USP24: variants seen among roughly 807,000 people sequenced by gnomAD.
USP24 encodes the protein ubiquitin carboxyl-terminal hydrolase 24.
In USP24, 97 loss-of-function variants were observed where a neutral mutation model predicts 361.6. That is an observed-to-expected ratio of 0.27 (90% CI 0.23 to 0.32). The LOEUF (loss-of-function observed/expected upper bound fraction) is 0.32. Ranked by LOEUF, USP24 falls within the 10% of genes least tolerant of loss-of-function variation. USP24 has a pLI of 1.00. For missense variants in USP24, 2,353 were observed against 3,165.6 expected (o/e 0.74, Z 6.16); for synonymous variants, 1,098 against 1,124.6 (o/e 0.98, Z 0.47).
At chr1:55,140,901 G>T (rs1392128943) in intron 24 of USP24, among the ~76,000 whole-genome samples, 1 of 152,088 alleles carries the variant, frequency 6.6e-6, no homozygotes, top group African/African-American at 2.4e-5. Flanking sequence ...TCCTATTCAT[G>T]AAATCTGAGT....
chr1:55,160,954 G>A (rs1648211915), intron 8 of USP24, among the ~76,000 whole-genome samples: 1 of 152,094 alleles, frequency 6.6e-6, no homozygotes, highest in African/African-American at 2.4e-5. Flanking sequence ...ATAAACTGAA[G>A]GAACATTAGC....
chr1:55,143,148 A>G (rs765111824), intron 21 of USP24, 29 bp from the exon 22 acceptor site: 251 of 1,433,448 alleles, frequency 1.8e-4, no homozygotes, highest in Non-Finnish European at 2.0e-4. Flanking sequence ...ATTAAATTAT[A>G]AAGCATATCA....
intron 30 of USP24, 117 bp downstream of exon 30, chr1:55,133,953 G>A (rs2100654802): frequency 9.9e-7 from 1 of 1,009,062 alleles, no homozygotes; most frequent in South Asian, 1.5e-5. Context: ...TTTTTCAAAA[G>A]AAGAAAAAAC....
chr1:55,096,439 T>A (rs1162582351), intron 50 of USP24, 59 bp downstream of exon 50: 2 of 1,327,330 alleles, frequency 1.5e-6, no homozygotes, highest in Non-Finnish European at 2.0e-6. Context: ...TACTATTAAT[T>A]TTTATAGAAA....
At chr1:55,208,430 C>T (rs944753981) in intron 1 of USP24, among the ~76,000 whole-genome samples, 1 of 151,980 alleles carries the variant, frequency 6.6e-6, no homozygotes, top group Admixed American at 6.6e-5. Flanking sequence ...AAGTTCAAGA[C>T]CAGCCTGGCC....
chr1:55,101,539 C>T (rs1438861904), intron 43 of USP24, 45 bp downstream of exon 43: 1 of 1,563,474 alleles, frequency 6.4e-7, no homozygotes, highest in Admixed American at 1.9e-5. Context: ...TCAAGTAACG[C>T]ACGTATTATC....
chr1:55,153,626 T>C (rs554719565), intron 16 of USP24, among the ~76,000 whole-genome samples: 27 of 152,234 alleles, frequency 1.8e-4, no homozygotes, highest in South Asian at 8.3e-4. Flanking sequence ...ATCTTCTAAT[T>C]TTATGAAAAT....
intron 24 of USP24, among the ~76,000 whole-genome samples, 200 bp downstream of exon 24, chr1:55,141,415 GA>G (rs1646886029): frequency 6.6e-6 from 1 of 152,180 alleles, no homozygotes; most frequent in Admixed American, 6.5e-5. Context: ...TCCTGGTGAT[GA>G]CCTACACACA....
intron 3 of USP24, among the ~76,000 whole-genome samples, chr1:55,174,457 A>T (rs1458571491): frequency 1.3e-5 from 2 of 152,240 alleles, no homozygotes; most frequent in African/African-American, 4.8e-5. Flanking sequence ...TTTTTACTTT[A>T]ACAAAACTGA....
intron 1 of USP24, among the ~76,000 whole-genome samples, chr1:55,190,707 T>C (rs1254436420): frequency 6.6e-6 from 1 of 152,146 alleles, no homozygotes; most frequent in Non-Finnish European, 1.5e-5. Flanking sequence ...AGGACAAAGA[T>C]AACGGACACA....
chr1:55,093,630 CA>C (rs2100478863), intron 52 of USP24: 1 of 232,108 alleles, frequency 4.3e-6, no homozygotes, highest in African/African-American at 2.2e-5. Flanking sequence ...TTTATTTCAG[CA>C]ACACGATTTC....
intron 10 of USP24, among the ~76,000 whole-genome samples, chr1:55,158,252 T>C (rs1188856989): frequency 6.6e-6 from 1 of 152,232 alleles, no homozygotes; most frequent in Non-Finnish European, 1.5e-5. Context: ...CTTTCATTCA[T>C]GTAAAATAAC....
intron 1 of USP24, among the ~76,000 whole-genome samples, chr1:55,187,232 C>T (rs986709399): frequency 1.4e-5 from 2 of 144,230 alleles, no homozygotes; most frequent in African/African-American, 5.6e-5. Context: ...AAATGTAACA[C>T]CATTCCATGA....
intron 2 of USP24, among the ~76,000 whole-genome samples, chr1:55,177,105 A>AC (rs1219124844): frequency 2.5e-4 from 38 of 151,492 alleles, no homozygotes; most frequent in Admixed American, 6.6e-4. Flanking sequence ...AAAAAAAAAA[A>AC]AACAACAAAA....
chr1:55,193,204 G>A (rs1269555645), intron 1 of USP24, among the ~76,000 whole-genome samples: 2 of 152,166 alleles, frequency 1.3e-5, no homozygotes, highest in African/African-American at 4.8e-5. Context: ...ATCTAGAGAT[G>A]ATTTAAAGTA....
Position 55,079,567 on chromosome 1 carries a change from T to C in USP24, c.7171A>G (p.Met2391Val), listed in dbSNP as rs116203669. The change falls in exon 60 of 68, where the codon ATG becomes GTG. Residue 2391 changes from methionine to valine, a missense_variant. Met to Val is a conservative substitution (Grantham distance 21). Around this residue, in one of 8 missense-constraint regions of USP24, gnomAD observed 598 missense variants for 761.9 expected, o/e 0.78. Transcript: ENST00000294383. Reference protein sequence around the residue: ...LHEEVEALLFMSEGKPYLLEV... With the variant: ...LHEEVEALLFVSEGKPYLLEV... ...AACAGGTAAGGTTTCCCTTCAGACATGAACAACAAGGCTTCTACCTCCTCA... is the reference window on the plus strand; with the variant it reads ...AACAGGTAAGGTTTCCCTTCAGACACGAACAACAAGGCTTCTACCTCCTCA... The C allele has an allele frequency of 6.1e-4, 964 of 1,577,114 alleles. 2 individuals are homozygous for C. In the African/African-American group the frequency reaches 0.011, roughly 18 times the overall value.
intron 20 of USP24, among the ~76,000 whole-genome samples, chr1:55,144,693 G>A (rs1421031821): frequency 6.6e-6 from 1 of 152,198 alleles, no homozygotes; most frequent in Non-Finnish European, 1.5e-5. Context: ...TCAGCACTGT[G>A]GGAGGCTGAA....
At chr1:55,141,546 A>C in intron 24 of USP24, 70 bp downstream of exon 24, 2 of 1,360,830 alleles carry the variant, frequency 1.5e-6, no homozygotes, top group Non-Finnish European at 2.0e-6. Context: ...AGAAACCTAC[A>C]TAAAAAACAC....
intron 51 of USP24, among the ~76,000 whole-genome samples, chr1:55,094,906 G>A (rs1489476743): frequency 1.3e-5 from 2 of 152,082 alleles, no homozygotes; most frequent in South Asian, 2.1e-4. Context: ...AAGAGGCTGA[G>A]GTGGAAGGAT....
Sources: allele counts gnomAD v4.1 joint callset (sites outside exome capture counted in the v4.1 genomes callset), GRCh38; gene constraint gnomAD v4.1.1; regional missense constraint gnomAD v4.1.1; transcripts MANE v1.5; gene names NCBI Gene and HGNC (gene_info 2026-07-23, HGNC 2026-07-21).